PRRG3: variants seen among roughly 807,000 people sequenced by gnomAD.
The protein encoded by PRRG3 is proline rich and Gla domain 3.
PRRG3 carries 21 observed loss-of-function variants against 15.8 expected under a neutral mutation model. That is an observed-to-expected ratio of 1.33 (90% CI 0.94 to 1.92). The LOEUF (loss-of-function observed/expected upper bound fraction) is 1.92. PRRG3 is among the 40% of genes most tolerant of loss of function. PRRG3 has a pLI of 0.00. For missense variants in PRRG3, 251 were observed against 200.2 expected, an observed-to-expected ratio of 1.25 and a Z score of -1.53; for synonymous variants, 125 against 84.1, an observed-to-expected ratio of 1.49 and a Z score of -2.66.
chrX:151,701,321 C>T lies in PRRG3; in HGVS notation c.*288C>T, dbSNP rs1602989674. On this transcript the variant is annotated 3_prime_UTR_variant, in exon 4 of 4. Transcript: ENST00000674457. ...ATCCTGTCTTTCCATCAGGAACTGG[C>T]TTCTCTTATGCCAAAGGAATAACCC... 4.1e-6 allele frequency: 1 copy of T among 244,010 alleles called. No homozygotes were observed. The highest frequency in any genetic ancestry group is 7.4e-6 in the Non-Finnish European group (1 of 135,562). The allele number at this position is 244,010 out of a possible 1,213,427, so 20.1% of individuals were successfully genotyped here. A position where few individuals can be genotyped will look rare whatever the true frequency, so the allele number is the denominator to read the frequency against.
rs747197565 is a variant in PRRG3 at position 151,704,195 on chromosome X, G to A, written c.*3162G>A. 51 of 109,693 alleles carry A rather than the reference G, an allele frequency of 4.6e-4. No homozygotes were observed. Among genetic ancestry groups the A allele is most frequent in the African/African-American group, 1.7e-3 (50 of 30,139 alleles). The allele number at this position is 109,693 out of a possible 1,213,427, so 9.0% of individuals were successfully genotyped here. ...GCAAGAGTGGGGTGCACAGGTGCCTGGCGTGTACACACCACCCACACAGCT... is the reference window on the plus strand; with the variant it reads ...GCAAGAGTGGGGTGCACAGGTGCCTAGCGTGTACACACCACCCACACAGCT... On this transcript the variant is annotated 3_prime_UTR_variant, in exon 4 of 4. Coordinates refer to ENST00000674457, the MANE Select transcript of PRRG3 (RefSeq NM_001372163.1).
chrX:151,700,155 C>A lies in PRRG3; in HGVS notation c.167C>A (p.Thr56Lys). 2 of 1,211,852 alleles carry A rather than the reference C, an allele frequency of 1.7e-6. No individual in the cohort carries two copies. Among genetic ancestry groups the A allele is most frequent in the Non-Finnish European group, 2.2e-6 (2 of 895,556 alleles). Reference sequence around the variant, plus strand: ...GAAGTGTTTGAGAACAAAGAGAAAACGGCATGTACCACCCTGGGGCTGGTT... The same window carrying A: ...GAAGTGTTTGAGAACAAAGAGAAAAAGGCATGTACCACCCTGGGGCTGGTT... ...VKEVFENKEKTMEFWKGYPNA... is the reference protein window; with the variant it reads ...VKEVFENKEKKMEFWKGYPNA... Residue 56 changes from threonine (T) to lysine (K), a missense_variant and splice_region_variant, in exon 3 of 4, where the codon ACG becomes AAG. Coordinates refer to ENST00000674457, the MANE Select transcript of PRRG3 (RefSeq NM_001372163.1).
At chrX:151,694,718 A>C (rs2014725266), upstream of PRRG3, among the ~76,000 whole-genome samples, 1 of 105,324 alleles carries the variant, frequency 9.5e-6, no homozygotes. Context: ...CGTTGGCCCC[A>C]GGAGCCCGGC....
At position 151,700,530 on chromosome X, in the gene PRRG3, A is replaced by G. The variant is rs1422639411; in HGVS notation, c.193A>G (p.Asn65Asp). 6 of 1,187,219 alleles carry G rather than the reference A, an allele frequency of 5.1e-6. No homozygotes were observed. The highest frequency in any genetic ancestry group is 6.8e-6 in the Non-Finnish European group (6 of 881,250). The change falls in exon 4 of 4, where the codon AAT becomes GAT. Residue 65 changes from asparagine (N) to aspartate (D), a missense_variant. By Grantham distance (23) the Asn-to-Asp change is conservative (BLOSUM62 1). Transcript: ENST00000674457. ...GATGGAGTTCTGGAAAGGGTACCCA[A>G]ATGCAGTCTACTCTGTCCGAGACCC... ...KTMEFWKGYPNAVYSVRDPSQ... is the reference protein window; with the variant it reads ...KTMEFWKGYPDAVYSVRDPSQ...
At chrX:151,697,422 C>T (rs1437023955) in intron 1 of PRRG3, among the ~76,000 whole-genome samples, 1 of 111,009 alleles carries the variant, frequency 9.0e-6, no homozygotes, top group Non-Finnish European at 1.9e-5. Context: ...CCTCAGCCTC[C>T]CAAAGTGTTG....
In PRRG3 at chrX:151,701,569, A is replaced by G. The variant is rs1447222858; in HGVS notation, c.*536A>G. On this transcript the variant is annotated 3_prime_UTR_variant, in exon 4 of 4. Coordinates refer to ENST00000674457, the MANE Select transcript of PRRG3 (RefSeq NM_001372163.1). ...AAACAAAATGAAAAAATCATGACAAATAAATAATTAACACAATAGAACAAA... is the reference window on the plus strand; with the variant it reads ...AAACAAAATGAAAAAATCATGACAAGTAAATAATTAACACAATAGAACAAA... 4 of 112,921 alleles carry G rather than the reference A, an allele frequency of 3.5e-5. No individual in the cohort carries two copies. The highest frequency in any genetic ancestry group is 1.3e-4 in the African/African-American group (4 of 30,951). The allele number at this position is 112,921 out of a possible 1,213,427, so 9.3% of individuals were successfully genotyped here.
chrX:151,700,174 G>A lies in PRRG3; in HGVS notation c.168+18G>A, dbSNP rs372773920. The A allele has an allele frequency of 8.3e-6, 10 of 1,210,304 alleles. No individual in the cohort carries two copies. The African/African-American group carries it at 1.7e-4, about 21-fold the overall frequency. ...AGAAAACGGCATGTACCACCCTGGG[G>A]CTGGTTCTGGGAGTAGGAGTAGCCT... is the stretch of plus-strand genomic sequence containing the variant. On this transcript the variant is annotated intron_variant, in intron 3 of 3. Coordinates refer to ENST00000674457, the MANE Select transcript of PRRG3 (RefSeq NM_001372163.1).
chrX:151,705,594 ATC>A lies in PRRG3; in HGVS notation c.*4563_*4564del, dbSNP rs1173167858. The A allele has an allele frequency of 9.5e-6, 2 of 210,198 alleles. No individual in the cohort carries two copies. Among genetic ancestry groups the A allele is most frequent in the Non-Finnish European group, 1.8e-5 (2 of 109,335 alleles). The allele number at this position is 210,198 out of a possible 1,213,427, so 17.3% of individuals were successfully genotyped here. A position where few individuals can be genotyped will look rare whatever the true frequency, so the allele number is the denominator to read the frequency against. On this transcript the variant is annotated 3_prime_UTR_variant, in exon 4 of 4. Coordinates refer to ENST00000674457, the MANE Select transcript of PRRG3 (RefSeq NM_001372163.1). The stretch of plus-strand genomic sequence containing the variant: ...ATACCAATTTCCCAGGCCTGAACAC[ATC>A]TGTTATTTTGCTCTGACATTGTGAA...
intron 1 of PRRG3, among the ~76,000 whole-genome samples, chrX:151,696,264 C>G (rs961694068): frequency 9.0e-6 from 1 of 111,287 alleles, no homozygotes; most frequent in East Asian, 2.8e-4. Context: ...TAGTAACTGT[C>G]TACTGATGGT....
intron 1 of PRRG3, among the ~76,000 whole-genome samples, chrX:151,696,425 A>G (rs1349257655): frequency 1.8e-5 from 2 of 110,579 alleles, no homozygotes; most frequent in African/African-American, 3.3e-5. Context: ...TCCTGGCTCG[A>G]CTGAAGCTTA....
Position 151,702,316 on chromosome X carries a change from C to T in PRRG3, c.*1283C>T, listed in dbSNP as rs1436732435. The T allele has an allele frequency of 8.9e-6, 1 of 112,626 alleles. No homozygotes were observed. Among genetic ancestry groups the T allele is most frequent in the Non-Finnish European group, 1.9e-5 (1 of 53,340 alleles). The allele number at this position is 112,626 out of a possible 1,213,427, so 9.3% of individuals were successfully genotyped here. ...TTTCTGTCAAAATATCTCTCTAAGG[C>T]AGACATTGGGACTCATTTCCTTGAA... On this transcript the variant is annotated 3_prime_UTR_variant, in exon 4 of 4. Coordinates refer to ENST00000674457, the MANE Select transcript of PRRG3 (RefSeq NM_001372163.1).
At chrX:151,696,004 A>G (rs1340672487) in intron 1 of PRRG3, among the ~76,000 whole-genome samples, 1 of 111,298 alleles carries the variant, frequency 9.0e-6, no homozygotes, top group Non-Finnish European at 1.9e-5. Flanking sequence ...TGTGTCCCAG[A>G]GGCCTGAGAT....
chrX:151,695,681 C>G (rs1309696664), intron 1 of PRRG3, 137 bp downstream of exon 1: 2 of 111,294 alleles, frequency 1.8e-5, no homozygotes, highest in Non-Finnish European at 3.8e-5. Flanking sequence ...GCGTATTGAA[C>G]AGCTCCGGGA....
chrX:151,700,495 T>C lies in PRRG3; in HGVS notation c.169-11T>C. On this transcript the variant is annotated splice_polypyrimidine_tract_variant and intron_variant, in intron 3 of 3. Coordinates refer to ENST00000674457, the MANE Select transcript of PRRG3 (RefSeq NM_001372163.1). The stretch of plus-strand genomic sequence containing the variant: ...TTGAGCTTCTCTTAAGTACCACTTT[T>C]TCTTTTGCAGATGGAGTTCTGGAAA... 8.5e-7 allele frequency: 1 copy of C among 1,173,418 alleles called. No individual in the cohort carries two copies. Among genetic ancestry groups the C allele is most frequent in the Non-Finnish European group, 1.1e-6 (1 of 873,539 alleles).
chrX:151,694,899 C>T (rs1466545327), upstream of PRRG3, among the ~76,000 whole-genome samples: 1 of 110,973 alleles, frequency 9.0e-6, no homozygotes, highest in African/African-American at 3.2e-5. Flanking sequence ...GACCAAGGGT[C>T]CTCTGTGTGC....
rs769547415 is a variant in PRRG3 at position 151,701,571 on chromosome X, A to C, written c.*538A>C. 1 of 112,988 alleles carries C rather than the reference A, an allele frequency of 8.9e-6. No individual in the cohort carries two copies. Among genetic ancestry groups the C allele is most frequent in the East Asian group, 2.8e-4 (1 of 3,577 alleles). The allele number at this position is 112,988 out of a possible 1,213,427, so 9.3% of individuals were successfully genotyped here. On this transcript the variant is annotated 3_prime_UTR_variant, in exon 4 of 4. Coordinates refer to ENST00000674457, the MANE Select transcript of PRRG3 (RefSeq NM_001372163.1). The stretch of plus-strand genomic sequence containing the variant: ...ACAAAATGAAAAAATCATGACAAAT[A>C]AATAATTAACACAATAGAACAAAAC...
At chrX:151,696,409 G>T (rs985705924) in intron 1 of PRRG3, among the ~76,000 whole-genome samples, 4 of 110,380 alleles carry the variant, frequency 3.6e-5, no homozygotes, top group Non-Finnish European at 7.6e-5. Flanking sequence ...ACTGTTTTGG[G>T]GGTGTTCCTG....
In PRRG3 at chrX:151,702,576, G is replaced by A. The variant is rs754840130; in HGVS notation, c.*1543G>A. On this transcript the variant is annotated 3_prime_UTR_variant, in exon 4 of 4. Coordinates refer to ENST00000674457, the MANE Select transcript of PRRG3 (RefSeq NM_001372163.1). ...GCTTGAATTGCCGGGGAGCCAGCGA[G>A]GTTTGCCTTAGGAAGAGTCTTCTAG... The A allele has an allele frequency of 2.2e-4, 25 of 112,383 alleles. No homozygotes were observed. The highest frequency in any genetic ancestry group is 5.8e-4 in the African/African-American group (18 of 30,955). 9.3% of individuals were successfully genotyped at this position (112,383 alleles called of 1,213,427 possible). A position where few individuals can be genotyped will look rare whatever the true frequency, so the allele number is the denominator to read the frequency against.
rs1309161181 is a variant in PRRG3 at position 151,701,930 on chromosome X, C to T, written c.*897C>T. 8.9e-6 allele frequency: 1 copy of T among 112,789 alleles called. No homozygotes were observed. Among genetic ancestry groups the T allele is most frequent in the Non-Finnish European group, 1.9e-5 (1 of 53,378 alleles). 9.3% of individuals were successfully genotyped at this position (112,789 alleles called of 1,213,427 possible). ...ATTTCTCCTTAACGATGGTGCGCATCTCAGGAGAAGATCCTAAAGTGTCCC... is the reference window on the plus strand; with the variant it reads ...ATTTCTCCTTAACGATGGTGCGCATTTCAGGAGAAGATCCTAAAGTGTCCC... On this transcript the variant is annotated 3_prime_UTR_variant, in exon 4 of 4. Coordinates refer to ENST00000674457, the MANE Select transcript of PRRG3 (RefSeq NM_001372163.1).
Sources: gnomAD v4.1 joint callset for allele counts (sites outside exome capture counted in the v4.1 genomes callset) on GRCh38, gnomAD v4.1.1 for gene constraint, MANE v1.5 for transcripts, NCBI Gene and HGNC (gene_info 2026-07-23, HGNC 2026-07-21) for gene names.